The following TMPRSS11A variants were observed in gnomAD, a reference collection of about 807,000 sequenced individuals.
TMPRSS11A encodes transmembrane serine protease 11A.
A neutral mutation model predicts 58.9 loss-of-function variants in TMPRSS11A; 53 were observed. The ratio of observed to expected loss-of-function variants is 0.90; its 90% CI spans 0.72 to 1.13. The LOEUF is 1.13. TMPRSS11A is among the 50% of genes most tolerant of loss of function. The probability of loss-of-function intolerance (pLI) is 0.00; values close to 1 mark genes in which losing one functional copy is unlikely to be tolerated. For missense variants in TMPRSS11A, 493 were observed against 499.3 expected (o/e 0.99, Z 0.12); for synonymous variants, 167 against 169.8 (o/e 0.98, Z 0.13).
intron 5 of TMPRSS11A, among the ~76,000 whole-genome samples, chr4:67,928,288 C>T (rs1199029448): frequency 6.6e-5 from 10 of 152,144 alleles, no homozygotes; most frequent in Non-Finnish European, 2.9e-5. Flanking sequence ...TCAGGTGATC[C>T]ACCCGCCTCG....
At chr4:67,919,529 G>A (rs994681900) in intron 7 of TMPRSS11A, among the ~76,000 whole-genome samples, 11 of 152,086 alleles carry the variant, frequency 7.2e-5, no homozygotes, top group African/African-American at 2.7e-4. Flanking sequence ...TCTGTGTGCT[G>A]AGCCTTATCT....
chr4:67,919,884 A>G (rs1020914117), intron 7 of TMPRSS11A, among the ~76,000 whole-genome samples: 79 of 152,168 alleles, frequency 5.2e-4, no homozygotes, highest in African/African-American at 1.8e-3. Flanking sequence ...AGAGGTAAGC[A>G]GGGACTAGAT....
At chr4:67,950,740 A>G (rs1721135412) in intron 1 of TMPRSS11A, among the ~76,000 whole-genome samples, 1 of 152,254 alleles carries the variant, frequency 6.6e-6, no homozygotes, top group African/African-American at 2.4e-5. Flanking sequence ...TTGAGGGAGA[A>G]CTATTCGATG....
intron 3 of TMPRSS11A, among the ~76,000 whole-genome samples, chr4:67,936,881 T>G (rs1262590497): frequency 6.6e-6 from 1 of 152,234 alleles, no homozygotes; most frequent in Non-Finnish European, 1.5e-5. Context: ...GAATTGCTTT[T>G]GTAAAAGAGG....
chr4:67,953,933 C>G (rs1721221381), intron 1 of TMPRSS11A, among the ~76,000 whole-genome samples: 1 of 152,144 alleles, frequency 6.6e-6, no homozygotes, highest in Non-Finnish European at 1.5e-5. Flanking sequence ...AAAACATTTT[C>G]TATTCCTTCT....
chr4:67,960,575 T>C (rs1721398282), intron 1 of TMPRSS11A, among the ~76,000 whole-genome samples: 1 of 152,202 alleles, frequency 6.6e-6, no homozygotes, highest in Non-Finnish European at 1.5e-5. Flanking sequence ...GTAAGCACTA[T>C]GAGTTTGCTG....
At position 67,910,053 on chromosome 4, in the gene TMPRSS11A, A is replaced by G. The variant is rs1361882180; in HGVS notation, c.*1289T>C. 1.3e-5 allele frequency: 2 copies of G among 152,080 alleles called. No individual in the cohort carries two copies. The highest frequency in any genetic ancestry group is 2.9e-5 in the Non-Finnish European group (2 of 67,952). 9.4% of individuals were successfully genotyped at this position (152,080 alleles called of 1,614,324 possible). A position where few individuals can be genotyped will look rare whatever the true frequency, so the allele number is the denominator to read the frequency against. ...ATGACTCCCCAGCCTGCAGACCATA[A>G]TATTTCACAGGCATTGCCAAGCAGA... On this transcript the variant is annotated 3_prime_UTR_variant, in exon 10 of 10. Transcript: ENST00000508048.
At chr4:67,958,048 C>T (rs1721330500) in intron 1 of TMPRSS11A, among the ~76,000 whole-genome samples, 1 of 152,142 alleles carries the variant, frequency 6.6e-6, no homozygotes, top group Admixed American at 6.5e-5. Context: ...TTGGCAACCT[C>T]CACCTAGATT....
intron 7 of TMPRSS11A, 117 bp from the exon 8 acceptor site, chr4:67,919,349 T>G: frequency 1.1e-6 from 1 of 923,390 alleles, no homozygotes; most frequent in East Asian, 2.5e-5. Flanking sequence ...TTGGCTGCAG[T>G]TATAGTTTTC....
At chr4:67,959,941 A>G (rs1337276056) in intron 1 of TMPRSS11A, among the ~76,000 whole-genome samples, 2 of 152,226 alleles carry the variant, frequency 1.3e-5, no homozygotes, top group Non-Finnish European at 2.9e-5. Flanking sequence ...AGTGGATTTC[A>G]GTTTTTTAAA....
intron 8 of TMPRSS11A, among the ~76,000 whole-genome samples, chr4:67,915,129 A>G (rs564485609): frequency 1.4e-4 from 21 of 152,154 alleles, no homozygotes; most frequent in South Asian, 6.2e-4. Flanking sequence ...AATACTATGT[A>G]CATTTATTTT....
intron 5 of TMPRSS11A, among the ~76,000 whole-genome samples, chr4:67,928,326 T>G (rs353151): frequency 0.09 from 13,707 of 152,220 alleles, 758 homozygotes; most frequent in African/African-American, 0.16. Context: ...AATTATAGGC[T>G]TGAGCCACCA....
In TMPRSS11A at chr4:67,910,015, G is replaced by A. The variant is rs1425667800; in HGVS notation, c.*1327C>T. 2.0e-5 allele frequency: 3 copies of A among 151,906 alleles called. No individual in the cohort carries two copies. The allele number at this position is 151,906 out of a possible 1,614,324, so 9.4% of individuals were successfully genotyped here. On this transcript the variant is annotated 3_prime_UTR_variant, in exon 10 of 10. Transcript: ENST00000508048. ...TTCCAATGATTTGTCTTATATTTGG[G>A]CTAAATGAGTAAATGACTCCCCAGC... is the stretch of plus-strand genomic sequence containing the variant.
chr4:67,960,789 G>A (rs1721403687), intron 1 of TMPRSS11A, among the ~76,000 whole-genome samples: 1 of 152,090 alleles, frequency 6.6e-6, no homozygotes, highest in Non-Finnish European at 1.5e-5. Context: ...AGCATACAAA[G>A]GACCTGCCCA....
chr4:67,939,043 G>A (rs1459325251), intron 3 of TMPRSS11A, among the ~76,000 whole-genome samples: 2 of 152,118 alleles, frequency 1.3e-5, no homozygotes, highest in Non-Finnish European at 2.9e-5. Flanking sequence ...TCCAATCCAT[G>A]AGCATGGAAT....
At chr4:67,930,460 G>A (rs373047996) in intron 4 of TMPRSS11A, among the ~76,000 whole-genome samples, 5 of 152,196 alleles carry the variant, frequency 3.3e-5, no homozygotes, top group African/African-American at 9.6e-5. Flanking sequence ...AAAGAGGCTT[G>A]TTTCTCTTTG....
At chr4:67,951,642 T>C (rs1030092711) in intron 1 of TMPRSS11A, among the ~76,000 whole-genome samples, 1 of 152,042 alleles carries the variant, frequency 6.6e-6, no homozygotes, top group Non-Finnish European at 1.5e-5. Context: ...TAAATGTAGA[T>C]GCATGTGACT....
chr4:67,949,316 A>T (rs1033854721), intron 1 of TMPRSS11A, among the ~76,000 whole-genome samples: 16 of 152,184 alleles, frequency 1.1e-4, no homozygotes, highest in African/African-American at 3.9e-4. Flanking sequence ...CATGGAAGTC[A>T]TATCTTCAAA....
intron 3 of TMPRSS11A, among the ~76,000 whole-genome samples, chr4:67,941,055 G>A (rs772504481): frequency 6.6e-6 from 1 of 152,144 alleles, no homozygotes; most frequent in Non-Finnish European, 1.5e-5. Flanking sequence ...AGAATGATAT[G>A]AGAGATGAGA....
Sources: gnomAD v4.1 joint callset for allele counts (sites outside exome capture counted in the v4.1 genomes callset) on GRCh38, gnomAD v4.1.1 for gene constraint, MANE v1.5 for transcripts, NCBI Gene and HGNC (gene_info 2026-07-23, HGNC 2026-07-21) for gene names.